Variants in POLR2F observed in about 807,000 individuals in gnomAD.
The protein encoded by POLR2F is DNA-directed RNA polymerases I, II, and III subunit RPABC2.
POLR2F carries 12 observed loss-of-function variants against 22.7 expected under a neutral mutation model. The ratio of observed to expected loss-of-function variants is 0.53; its 90% CI spans 0.34 to 0.86. POLR2F has a LOEUF of 0.86. POLR2F is among the 40% of genes least tolerant of loss of function. POLR2F has a pLI of 0.02. For synonymous variants in POLR2F, 57 were observed against 66.0 expected (o/e 0.86, Z 0.66); for missense variants, 126 against 171.5 (o/e 0.73, Z 1.48).
At position 37,969,300 on chromosome 22, in the gene POLR2F, G is replaced by T; in HGVS notation, c.*1585G>T. ...GCTTTTGACTTCTCTTGAATAAAATGTCCCGGTCACCACTATTGGTTCTGT... is the reference window on the plus strand; with the variant it reads ...GCTTTTGACTTCTCTTGAATAAAATTTCCCGGTCACCACTATTGGTTCTGT... On this transcript the variant is annotated 3_prime_UTR_variant, in exon 5 of 5. Transcript: ENST00000442738. The T allele has an allele frequency of 1.0e-6, 1 of 985,390 alleles. No homozygotes were observed. The allele number at this position is 985,390 out of a possible 1,614,324, so 61.0% of individuals were successfully genotyped here. A position where few individuals can be genotyped will look rare whatever the true frequency, so the allele number is the denominator to read the frequency against.
intron 1 of POLR2F, among the ~76,000 whole-genome samples, chr22:38,002,237 A>T (rs2084778193): frequency 6.6e-6 from 1 of 152,114 alleles, no homozygotes; most frequent in South Asian, 2.1e-4. Context: ...AAAGTGCTTA[A>T]GAACTAAAGA....
intron 1 of POLR2F, among the ~76,000 whole-genome samples, chr22:37,990,443 C>T (rs1206092670): frequency 6.6e-6 from 1 of 152,242 alleles, no homozygotes; most frequent in East Asian, 1.9e-4. Context: ...GTTGACTGCC[C>T]ATTCCTGCCA....
rs903211622 is a variant in POLR2F at position 37,978,523 on chromosome 22, G to C, written c.293+11353G>C. ...GCAAGTGGAATTGGCTACTTCAGTG[G>C]GGGTGAGCTCCCTGGGACTGAGGGT... On this transcript the variant is annotated intron_variant, in intron 4 of 4. Coordinates refer to the POLR2F transcript ENST00000405557. The surrounding 1 kb of genome is among the most constrained non-coding windows in gnomAD (Gnocchi z 5.0). Among the ~76,000 whole-genome samples the C allele has an allele frequency of 2.6e-5, 4 of 152,206 alleles. No individual in the cohort carries two copies. Among genetic ancestry groups the C allele is most frequent in the African/African-American group, 9.6e-5 (4 of 41,452 alleles).
chr22:38,039,246 A>G (rs1334247989), intron 5 of POLR2F, among the ~76,000 whole-genome samples: 1 of 152,172 alleles, frequency 6.6e-6, no homozygotes, highest in Non-Finnish European at 1.5e-5. Flanking sequence ...CTAAAACCAA[A>G]TGTACCGGAA....
In POLR2F at chr22:37,954,325, CAG is replaced by C. The variant is rs527970279; in HGVS notation, c.20+521_20+522del. ...CAGTAATTTTTTTTTTTTTTTGAAACAGAGTCTTGCTCTGTCGCCCAGGCTGG... is the reference window on the plus strand; with the variant it reads ...CAGTAATTTTTTTTTTTTTTTGAAACAGTCTTGCTCTGTCGCCCAGGCTGG... On this transcript the variant is annotated intron_variant, in intron 1 of 4. Coordinates refer to ENST00000442738, the MANE Select transcript of POLR2F (RefSeq NM_021974.5). Among the ~76,000 whole-genome samples the C allele has an allele frequency of 6.0e-5, 9 of 149,522 alleles. No individual in the cohort carries two copies. In the South Asian group the frequency reaches 1.1e-3, roughly 18 times the overall value.
intron 3 of POLR2F, among the ~76,000 whole-genome samples, chr22:37,959,695 T>A: frequency 7.1e-6 from 1 of 141,184 alleles, no homozygotes; most frequent in Admixed American, 7.4e-5. Flanking sequence ...AGAAGTCAAG[T>A]AACAATATGG....
chr22:37,962,939 C>T (rs1352035248), intron 3 of POLR2F, among the ~76,000 whole-genome samples: 1 of 151,824 alleles, frequency 6.6e-6, no homozygotes, highest in Admixed American at 6.6e-5. Context: ...ATCTGCCTGC[C>T]TCGGCCTCCC....
upstream of POLR2F, among the ~76,000 whole-genome samples, chr22:37,985,777 C>T (rs775704044): frequency 3.4e-5 from 5 of 148,226 alleles, no homozygotes; most frequent in African/African-American, 1.0e-4. Context: ...GGTAGTCACA[C>T]GAGGCAGAGG....
chr22:38,029,613 A>G (rs1312979764), downstream of POLR2F, among the ~76,000 whole-genome samples: 1 of 152,206 alleles, frequency 6.6e-6, no homozygotes, highest in African/African-American at 2.4e-5. Context: ...CACAGAATGA[A>G]GGGATTGGTT....
intron 1 of POLR2F, among the ~76,000 whole-genome samples, chr22:37,990,285 G>A (rs745881600): frequency 8.5e-5 from 13 of 152,338 alleles, no homozygotes; most frequent in South Asian, 2.1e-4. Context: ...AGAGGGTCTC[G>A]GACCCAGGCC....
intron 1 of POLR2F, among the ~76,000 whole-genome samples, chr22:38,002,740 T>A (rs972378126): frequency 1.3e-5 from 2 of 152,032 alleles, no homozygotes; most frequent in African/African-American, 4.8e-5. Context: ...AGTCTTTTTT[T>A]TTTGAGACGG....
intron 4 of POLR2F, among the ~76,000 whole-genome samples, chr22:37,976,663 G>A (rs1932229919): frequency 6.6e-6 from 1 of 152,220 alleles, no homozygotes; most frequent in Non-Finnish European, 1.5e-5. Flanking sequence ...TTTCTCATCA[G>A]TAAAATGAGA....
chr22:37,973,984 A>G (rs780495956), downstream of POLR2F: 12 of 1,612,738 alleles, frequency 7.4e-6, no homozygotes, highest in East Asian at 2.2e-4. Flanking sequence ...CTGGGTGCCC[A>G]TTGGGCGGCA....
At chr22:37,956,954 A>G in intron 2 of POLR2F, 112 bp downstream of exon 2, 2 of 829,422 alleles carry the variant, frequency 2.4e-6, no homozygotes, top group Admixed American at 3.8e-5. Context: ...GGCCCCTGCC[A>G]TAAGCATTCC....
intron 4 of POLR2F, among the ~76,000 whole-genome samples, chr22:37,975,394 G>A (rs1932191393): frequency 6.6e-6 from 1 of 152,272 alleles, no homozygotes; most frequent in Non-Finnish European, 1.5e-5. Context: ...TGAGTGGGGT[G>A]GGGCCTTGAA....
At chr22:38,014,871 G>A (rs1451761835) in intron 1 of POLR2F, among the ~76,000 whole-genome samples, 7 of 144,180 alleles carry the variant, frequency 4.9e-5, no homozygotes, top group South Asian at 4.5e-4. Context: ...GCAGTGGCGC[G>A]ATCTTGGCTA....
chr22:37,958,916 A>C (rs969902237), intron 2 of POLR2F, among the ~76,000 whole-genome samples: 1 of 152,182 alleles, frequency 6.6e-6, no homozygotes, highest in Admixed American at 6.5e-5. Context: ...TTTTCTAGCC[A>C]CTTGGCCCAT....
At chr22:37,967,583 G>A in intron 4 of POLR2F, 42 bp from the exon 5 acceptor site, 1 of 1,608,276 alleles carries the variant, frequency 6.2e-7, no homozygotes, top group South Asian at 1.1e-5. Flanking sequence ...CAGAGCTGGG[G>A]TCACCAGCCC....
chr22:37,975,199 A>G (rs148430386), intron 4 of POLR2F, among the ~76,000 whole-genome samples: 1 of 152,300 alleles, frequency 6.6e-6, no homozygotes, highest in East Asian at 1.9e-4. Context: ...GGTGCTGGGG[A>G]TACTAATGTA....
Sources: gnomAD v4.1 joint callset for allele counts (sites outside exome capture counted in the v4.1 genomes callset) on GRCh38, gnomAD v4.1.1 for gene constraint, Gnocchi (gnomAD v3.1) non-coding constraint, MANE v1.5 for transcripts, NCBI Gene and HGNC (gene_info 2026-07-23, HGNC 2026-07-21) for gene names.